Variants in ADAMTSL1 observed in about 807,000 individuals in gnomAD.
The protein encoded by ADAMTSL1 is ADAMTS like 1.
A neutral mutation model predicts 201.8 loss-of-function variants in ADAMTSL1; 126 were observed. That is an observed-to-expected ratio of 0.62 (90% CI 0.54 to 0.72). The LOEUF is 0.72. Ranked by LOEUF, ADAMTSL1 falls within the 30% of genes least tolerant of loss-of-function variation. The pLI, the probability that ADAMTSL1 is intolerant of heterozygous loss-of-function variation, is 0.00. For synonymous variants in ADAMTSL1, 1,121 were observed against 903.4 expected, an observed-to-expected ratio of 1.24 and a Z score of -4.32; for missense variants, 2,679 against 2,277.8, an observed-to-expected ratio of 1.18 and a Z score of -3.59.
intron 1 of ADAMTSL1, among the ~76,000 whole-genome samples, chr9:18,106,180 C>T (rs1587064327): frequency 1.3e-5 from 2 of 152,292 alleles, no homozygotes; most frequent in African/African-American, 4.8e-5. Context: ...AGGCAGCTCG[C>T]TTTGGCCCCC....
At chr9:18,547,633 T>TATAAAAA (rs1321724035) in intron 3 of ADAMTSL1, among the ~76,000 whole-genome samples, 7 of 86,268 alleles carry the variant, frequency 8.1e-5, no homozygotes, top group African/African-American at 3.7e-4. Context: ...TATATATATA[T>TATAAAAA]AAAAAAAAAA....
chr9:17,996,019 T>A (rs1396097363), intron 1 of ADAMTSL1, among the ~76,000 whole-genome samples: 1 of 152,000 alleles, frequency 6.6e-6, no homozygotes, highest in Non-Finnish European at 1.5e-5. Flanking sequence ...AGCAAGTGCT[T>A]TATAAATGTG....
intron 1 of ADAMTSL1, among the ~76,000 whole-genome samples, chr9:18,152,174 C>G (rs1226983821): frequency 1.3e-5 from 2 of 151,956 alleles, no homozygotes; most frequent in Admixed American, 1.3e-4. Flanking sequence ...GGTGGTAAAC[C>G]AGGACTTCCA....
At chr9:18,103,926 T>C (rs1034722485) in intron 1 of ADAMTSL1, among the ~76,000 whole-genome samples, 2 of 152,214 alleles carry the variant, frequency 1.3e-5, no homozygotes, top group Non-Finnish European at 2.9e-5. Context: ...TATGCTGATA[T>C]CTGTGATGTA....
At chr9:18,595,514 G>A (rs1412787816) in intron 4 of ADAMTSL1, among the ~76,000 whole-genome samples, 1 of 152,208 alleles carries the variant, frequency 6.6e-6, no homozygotes, top group Non-Finnish European at 1.5e-5. Context: ...TGCAGTGAAA[G>A]GGCCAGGGCT....
chr9:18,421,034 G>C (rs1247970321), intron 2 of ADAMTSL1, among the ~76,000 whole-genome samples: 1 of 152,108 alleles, frequency 6.6e-6, no homozygotes, highest in African/African-American at 2.4e-5. Context: ...ACTGGGACTG[G>C]AACGTCATCA....
At chr9:18,117,464 G>A (rs545236902) in intron 1 of ADAMTSL1, among the ~76,000 whole-genome samples, 1 of 152,180 alleles carries the variant, frequency 6.6e-6, no homozygotes, top group South Asian at 2.1e-4. Flanking sequence ...GGACTGGAGA[G>A]CTCTTCCTCC....
chr9:18,772,006 CAG>C (rs1260676859), intron 17 of ADAMTSL1, among the ~76,000 whole-genome samples: 1 of 152,080 alleles, frequency 6.6e-6, no homozygotes, highest in Non-Finnish European at 1.5e-5. Context: ...CCAAATGTCT[CAG>C]AACGTTTGGG....
Position 18,777,909 on chromosome 9 carries a change from G to A in ADAMTSL1, c.3677+3G>A, listed in dbSNP as rs775384919. On this transcript the variant is annotated splice_donor_region_variant and intron_variant, in intron 19 of 28. Transcript: ENST00000380548. ...GAAGAAGTTCAGTTCAGTGACAGGT[G>A]AGCCTTGTAGCTAACCTGGTCTTGG... 2 of 1,533,546 alleles carry A rather than the reference G, an allele frequency of 1.3e-6. No individual in the cohort carries two copies. The highest frequency in any genetic ancestry group is 1.3e-5 in the South Asian group (1 of 78,050). 95.0% of individuals were successfully genotyped at this position (1,533,546 alleles called of 1,614,324 possible). A position where few individuals can be genotyped will look rare whatever the true frequency, so the allele number is the denominator to read the frequency against.
At chr9:18,513,619 G>C (rs1325460687) in intron 2 of ADAMTSL1, among the ~76,000 whole-genome samples, 1 of 152,114 alleles carries the variant, frequency 6.6e-6, no homozygotes, top group Non-Finnish European at 1.5e-5. Flanking sequence ...GAGTTTTATA[G>C]TTTCAAGTCT....
intron 1 of ADAMTSL1, among the ~76,000 whole-genome samples, chr9:18,009,655 T>C (rs542892833): frequency 1.7e-4 from 26 of 152,028 alleles, no homozygotes; most frequent in Non-Finnish European, 2.9e-4. Flanking sequence ...ATAAGAACAA[T>C]ACAGAGAAGG....
At chr9:18,870,006 C>A (rs1827786759) in intron 23 of ADAMTSL1, among the ~76,000 whole-genome samples, 1 of 152,014 alleles carries the variant, frequency 6.6e-6, no homozygotes, top group Non-Finnish European at 1.5e-5. Context: ...GACACTCCTG[C>A]CAGCTCTAAT....
intron 7 of ADAMTSL1, among the ~76,000 whole-genome samples, chr9:18,644,393 A>G (rs966348115): frequency 6.8e-6 from 1 of 146,656 alleles, no homozygotes; most frequent in African/African-American, 2.5e-5. Flanking sequence ...TTATTTTTTT[A>G]ATTATTATTA....
intron 7 of ADAMTSL1, among the ~76,000 whole-genome samples, chr9:18,656,870 GT>G (rs1161008856): frequency 5.3e-5 from 8 of 151,300 alleles, no homozygotes; most frequent in African/African-American, 1.9e-4. Context: ...CTTCTCTTCA[GT>G]TTATGTTTTC....
chr9:18,708,671 C>A (rs565919878), intron 14 of ADAMTSL1, among the ~76,000 whole-genome samples: 1 of 152,248 alleles, frequency 6.6e-6, no homozygotes, highest in South Asian at 2.1e-4. Flanking sequence ...TGCTTTCATC[C>A]CCAATTTCCA....
At chr9:18,576,653 G>A (rs1035617499) in intron 4 of ADAMTSL1, among the ~76,000 whole-genome samples, 5 of 152,094 alleles carry the variant, frequency 3.3e-5, no homozygotes, top group Admixed American at 1.3e-4. Context: ...CTGAGATCAC[G>A]AATAATTTGG....
chr9:18,080,464 A>G (rs1006007171), intron 1 of ADAMTSL1, among the ~76,000 whole-genome samples: 1 of 152,202 alleles, frequency 6.6e-6, no homozygotes, highest in Admixed American at 6.5e-5. Context: ...CGGATGCACA[A>G]TATCAGAGAA....
intron 2 of ADAMTSL1, among the ~76,000 whole-genome samples, chr9:18,228,834 GT>G (rs984230350): frequency 3.8e-4 from 53 of 140,428 alleles, no homozygotes; most frequent in Non-Finnish European, 5.3e-4. Context: ...GTGATTCAGA[GT>G]TTTTTTGTTT....
chr9:17,960,347 T>A (rs1817691825), intron 1 of ADAMTSL1, among the ~76,000 whole-genome samples: 1 of 152,208 alleles, frequency 6.6e-6, no homozygotes, highest in South Asian at 2.1e-4. Context: ...GGAAATGTAT[T>A]CTTTATTCCA....
Sources: gnomAD v4.1 joint callset for allele counts (sites outside exome capture counted in the v4.1 genomes callset) on GRCh38, gnomAD v4.1.1 for gene constraint, MANE v1.5 for transcripts, NCBI Gene and HGNC (gene_info 2026-07-23, HGNC 2026-07-21) for gene names.